CACNA1E: variants seen among roughly 807,000 people sequenced by gnomAD.
The protein encoded by CACNA1E is voltage-dependent R-type calcium channel subunit alpha-1E.
Under a neutral mutation model 259.2 loss-of-function variants are expected in CACNA1E, and 40 were observed. That is an observed-to-expected ratio of 0.15 (90% CI 0.12 to 0.20). The LOEUF (loss-of-function observed/expected upper bound fraction) is 0.20. CACNA1E is among the 10% of genes least tolerant of loss of function. The pLI is 1.00. For synonymous variants in CACNA1E, 1,104 were observed against 1,138.5 expected (o/e 0.97, Z 0.61); for missense variants, 1,874 against 3,040.1 (o/e 0.62, Z 9.02).
chr1:181,794,757 G>A, intron 45 of CACNA1E, 107 bp from the exon 46 acceptor site: 1 of 915,506 alleles, frequency 1.1e-6, no homozygotes, highest in Non-Finnish European at 1.7e-6. Flanking sequence ...ATTTCCAGGG[G>A]TTACAATTTG....
chr1:181,763,694 G>A (rs887864930), intron 34 of CACNA1E, among the ~76,000 whole-genome samples, 163 bp downstream of exon 34: 1 of 152,210 alleles, frequency 6.6e-6, no homozygotes, highest in South Asian at 2.1e-4. Context: ...CTTAGTTACA[G>A]CACAGCTTGG....
intron 7 of CACNA1E, among the ~76,000 whole-genome samples, chr1:181,664,134 C>T (rs1049761941): frequency 1.3e-5 from 2 of 152,128 alleles, no homozygotes; most frequent in Admixed American, 6.5e-5. Context: ...GATTGCAGCT[C>T]GAAGTGGGCA....
chr1:181,330,828 T>C (rs982116054), intron 1 of CACNA1E, among the ~76,000 whole-genome samples: 2 of 152,230 alleles, frequency 1.3e-5, no homozygotes, highest in African/African-American at 4.8e-5. Context: ...AGTCTCAGTT[T>C]CCTTGATGTA....
chr1:181,560,659 A>G (rs1649233759), intron 3 of CACNA1E, among the ~76,000 whole-genome samples: 1 of 152,222 alleles, frequency 6.6e-6, no homozygotes, highest in African/African-American at 2.4e-5. Context: ...AAAAAATTAA[A>G]CATAATATGA....
At chr1:181,599,343 A>C (rs1653518135) in intron 6 of CACNA1E, among the ~76,000 whole-genome samples, 2 of 152,206 alleles carry the variant, frequency 1.3e-5, no homozygotes, top group East Asian at 3.9e-4. Flanking sequence ...TATGTACCAC[A>C]TTTGCTTTAT....
In CACNA1E at chr1:181,772,143, C is replaced by T. The variant is rs146835258; in HGVS notation, c.5051C>T (p.Ala1684Val). ...AAGGGCTGTGAGCCTGACACCACCGCACCATCAGGGCAGAACGAGAACGAA... is the reference window on the plus strand; with the variant it reads ...AAGGGCTGTGAGCCTGACACCACCGTACCATCAGGGCAGAACGAGAACGAA... ...GEKGCEPDTT[A>V]PSGQNENERC... The change falls in exon 37 of 48, where the codon GCA becomes GTA. Residue 1684 changes from alanine (A) to valine (V), a missense_variant. Ala to Val is a moderately conservative substitution (Grantham distance 64). This residue lies in a region of CACNA1E where 147 missense variants were observed against 337.1 expected (regional missense o/e 0.44). Coordinates refer to ENST00000367573, the MANE Select transcript of CACNA1E (RefSeq NM_001205293.3). 1.9e-5 allele frequency: 31 copies of T among 1,613,954 alleles called. No homozygotes were observed. Among genetic ancestry groups the T allele is most frequent in the Admixed American group, 6.7e-5 (4 of 60,020 alleles).
At chr1:181,594,795 G>A (rs1427567015) in intron 6 of CACNA1E, among the ~76,000 whole-genome samples, 1 of 152,126 alleles carries the variant, frequency 6.6e-6, no homozygotes, top group East Asian at 1.9e-4. Flanking sequence ...TATTAATTAG[G>A]AACACCAATT....
chr1:181,393,484 G>T (rs1436674344), intron 1 of CACNA1E, among the ~76,000 whole-genome samples: 1 of 152,094 alleles, frequency 6.6e-6, no homozygotes, highest in Non-Finnish European at 1.5e-5. Context: ...CTGAAACAGG[G>T]TCTCCCTCTG....
intron 3 of CACNA1E, among the ~76,000 whole-genome samples, chr1:181,549,230 C>T (rs906883627): frequency 1.3e-5 from 2 of 152,180 alleles, no homozygotes; most frequent in African/African-American, 2.4e-5. Context: ...GTTTTCTTAA[C>T]ACCACAGCTC....
chr1:181,426,883 C>A (rs112293943), intron 2 of CACNA1E, among the ~76,000 whole-genome samples: 1 of 127,738 alleles, frequency 7.8e-6, no homozygotes, highest in Non-Finnish European at 1.7e-5. Flanking sequence ...CTTCACATCT[C>A]AACCCCTTCA....
At chr1:181,668,669 T>C (rs1317188485) in intron 7 of CACNA1E, 1 of 152,300 alleles carries the variant, frequency 6.6e-6, no homozygotes, top group East Asian at 1.9e-4. Context: ...GAAAATTAAA[T>C]AATATACAAT....
chr1:181,761,838 G>A (rs1352021440), intron 32 of CACNA1E, among the ~76,000 whole-genome samples: 1 of 152,212 alleles, frequency 6.6e-6, no homozygotes, highest in Non-Finnish European at 1.5e-5. Context: ...GTGTTATCTG[G>A]TTGGTGGATT....
At chr1:181,608,194 G>A (rs533648770) in intron 6 of CACNA1E, among the ~76,000 whole-genome samples, 11 of 152,256 alleles carry the variant, frequency 7.2e-5, no homozygotes, top group African/African-American at 2.6e-4. Flanking sequence ...GAACAGAGAA[G>A]GGTGGAAAGT....
rs375868430 is a variant in CACNA1E, at chr1:181,635,902, G to T, written c.952-15436G>T. On this transcript the variant is annotated intron_variant, in intron 6 of 47. Transcript: ENST00000367573. ...GCTACCTAGAGAAACATAAAACCTT[G>T]CCCTCTAAGAGTTCACAGATCTGTA... 7.9e-5 allele frequency among the ~76,000 whole-genome samples: 12 copies of T among 152,194 alleles called. No individual in the cohort carries two copies. The South Asian group carries it at 2.5e-3, about 32-fold the overall frequency.
At chr1:181,389,345 C>A (rs1306755238) in intron 1 of CACNA1E, among the ~76,000 whole-genome samples, 1 of 152,178 alleles carries the variant, frequency 6.6e-6, no homozygotes, top group African/African-American at 2.4e-5. Flanking sequence ...AGAGCTGAAA[C>A]AAGGAGACTT....
At chr1:181,430,619 A>G (rs1659650378) in intron 2 of CACNA1E, among the ~76,000 whole-genome samples, 2 of 152,156 alleles carry the variant, frequency 1.3e-5, no homozygotes. Context: ...AAAGGCTGCT[A>G]TGTTGGGCCT....
intron 7 of CACNA1E, among the ~76,000 whole-genome samples, chr1:181,654,017 A>G (rs1558231470): frequency 6.6e-6 from 1 of 152,188 alleles, no homozygotes; most frequent in Non-Finnish European, 1.5e-5. Flanking sequence ...TAAGAACAAA[A>G]AACAAAATCA....
At chr1:181,670,702 C>T (rs896524541) in intron 7 of CACNA1E, among the ~76,000 whole-genome samples, 19 of 152,188 alleles carry the variant, frequency 1.2e-4, no homozygotes, top group Non-Finnish European at 1.9e-4. Flanking sequence ...TCCCCACCCT[C>T]GGCAGAGTTG....
chr1:181,440,931 T>C (rs1238740880), intron 2 of CACNA1E, among the ~76,000 whole-genome samples: 2 of 137,204 alleles, frequency 1.5e-5, no homozygotes, highest in African/African-American at 5.4e-5. Context: ...CAGTGAGCCA[T>C]GGTCATGCCA....
Sources: allele counts gnomAD v4.1 joint callset (sites outside exome capture counted in the v4.1 genomes callset), GRCh38; gene constraint gnomAD v4.1.1; regional missense constraint gnomAD v4.1.1; transcripts MANE v1.5; gene names NCBI Gene and HGNC (gene_info 2026-07-23, HGNC 2026-07-21).